The following SLC26A9 variants were observed in gnomAD, a reference collection of about 807,000 sequenced individuals.
SLC26A9 encodes solute carrier family 26 member 9.
In SLC26A9, 46 loss-of-function variants were observed where a neutral mutation model predicts 87.1. The observed-to-expected ratio is 0.53, with a 90% confidence interval of 0.42 to 0.67. SLC26A9 has a LOEUF of 0.67. Ranked by LOEUF, SLC26A9 falls within the 30% of genes least tolerant of loss-of-function variation. The pLI is 0.00. For missense variants in SLC26A9, 927 were observed against 1,018.3 expected (o/e 0.91, Z 1.22); for synonymous variants, 437 against 409.1 (o/e 1.07, Z -0.82).
intron 20 of SLC26A9, among the ~76,000 whole-genome samples, chr1:205,916,007 T>C (rs1234954537): frequency 6.6e-6 from 1 of 152,254 alleles, no homozygotes; most frequent in Non-Finnish European, 1.5e-5. Context: ...CCTAGTCATC[T>C]GGTTTCTTTT....
intron 3 of SLC26A9, 24 bp downstream of exon 3, chr1:205,932,921 G>C: frequency 6.2e-7 from 1 of 1,613,470 alleles, no homozygotes; most frequent in Non-Finnish European, 8.5e-7. Context: ...GGCAATCCAG[G>C]CCTGGCTGAA....
intron 9 of SLC26A9, 105 bp from the exon 10 acceptor site, chr1:205,927,710 G>A: frequency 7.3e-7 from 1 of 1,376,976 alleles, no homozygotes; most frequent in Non-Finnish European, 1.0e-6. Context: ...ACCTGAGAGT[G>A]ACCCAGTGGC....
chr1:205,928,950 T>A, intron 7 of SLC26A9, 41 bp from the exon 8 acceptor site: 1 of 1,609,498 alleles, frequency 6.2e-7, no homozygotes, highest in Non-Finnish European at 8.5e-7. Flanking sequence ...GGCCCTAAGG[T>A]GGGGCCAGGG....
At chr1:205,928,083 G>A (rs1461718700) in intron 8 of SLC26A9, 34 bp from the exon 9 acceptor site, 2 of 1,602,860 alleles carry the variant, frequency 1.2e-6, no homozygotes, top group East Asian at 4.5e-5. Context: ...CAGAACCCAA[G>A]GGTGTGAGTG....
At chr1:205,916,237 C>G (rs923845496) in intron 20 of SLC26A9, among the ~76,000 whole-genome samples, 1 of 152,200 alleles carries the variant, frequency 6.6e-6, no homozygotes, top group Admixed American at 6.5e-5. Context: ...GCTGGGACTA[C>G]AGGCATGCAC....
At chr1:205,926,875 G>C (rs1022714467) in intron 11 of SLC26A9, among the ~76,000 whole-genome samples, 2 of 152,134 alleles carry the variant, frequency 1.3e-5, no homozygotes, top group Admixed American at 6.5e-5. Flanking sequence ...CGCATGCCTA[G>C]AGCCCTCCTA....
In SLC26A9 at chr1:205,931,911, A is replaced by G; in HGVS notation, c.501T>C (p.Ala167=). The G allele has an allele frequency of 1.2e-6, 2 of 1,614,208 alleles. No individual in the cohort carries two copies. Among genetic ancestry groups the G allele is most frequent in the East Asian group, 2.2e-5 (1 of 44,884 alleles). The change falls in exon 5 of 21, where the codon GCT becomes GCC. Residue 167 remains alanine (A), a synonymous_variant. Coordinates refer to ENST00000367135, the MANE Select transcript of SLC26A9 (RefSeq NM_052934.4). ...GCGTAGCTGACACGTGCAGCCTCTC[A>G]GCCTCCATGGCTGCTGTGTCCACAT... ...ESYVDTAAME[A]ERLHVSATLA...
chr1:205,939,993 AGAAACAAAAG>A (rs894800228), intron 1 of SLC26A9, among the ~76,000 whole-genome samples: 2 of 152,092 alleles, frequency 1.3e-5, no homozygotes, highest in Non-Finnish European at 2.9e-5. Context: ...GATAATACTG[AGAAACAAAAG>A]GGTGACCCTG....
chr1:205,929,246 G>A lies in SLC26A9; in HGVS notation c.828C>T (p.Tyr276=). Residue 276 remains tyrosine (Y), a synonymous_variant, in exon 7 of 21, where the codon TAC becomes TAT. Coordinates refer to ENST00000367135, the MANE Select transcript of SLC26A9 (RefSeq NM_052934.4). ...LVLVKELNAR[Y]MHKIRFPIPT... ...GGATGGGGAAGCGAATCTTGTGCAT[G>A]TAGCGAGCATTGAGCTCCTTCACCA... 2 of 1,614,222 alleles carry A rather than the reference G, an allele frequency of 1.2e-6. No homozygotes were observed. The highest frequency in any genetic ancestry group is 1.7e-6 in the Non-Finnish European group (2 of 1,180,048).
chr1:205,932,847 T>TGTCCTCAGCAGAGGACAACGA (rs1442192912), intron 3 of SLC26A9, 35 bp from the exon 4 acceptor site: 1 of 1,592,466 alleles, frequency 6.3e-7, no homozygotes, highest in Non-Finnish European at 8.6e-7. Flanking sequence ...CTCAGCAGCA[T>TGTCCTCAGCAGAGGACAACGA]GACTAGCTTA....
chr1:205,914,950 T>C lies in SLC26A9; in HGVS notation c.*407A>G, dbSNP rs1157255644. 3 of 1,613,982 alleles carry C rather than the reference T, an allele frequency of 1.9e-6. No individual in the cohort carries two copies. The highest frequency in any genetic ancestry group is 2.5e-6 in the Non-Finnish European group (3 of 1,180,014). On this transcript the variant is annotated 3_prime_UTR_variant, in exon 21 of 21. Coordinates refer to ENST00000367135, the MANE Select transcript of SLC26A9 (RefSeq NM_052934.4). ...CGAGCCGTGTGGGCTCTGGGACACTTTTTGAAGCTTGTACAGCAGGCCAGC... is the reference window on the plus strand; with the variant it reads ...CGAGCCGTGTGGGCTCTGGGACACTCTTTGAAGCTTGTACAGCAGGCCAGC...
In SLC26A9 at chr1:205,928,889, G is replaced by T; in HGVS notation, c.891C>A (p.Ile297=). The part of the protein sequence containing the change: ...EMIVVVVATA[I]SGGCKMPKKY... ...TTTTGGGCATCTTACAGCCCCCGGA[G>T]ATAGCTGTTGCCACCACCACCTGCA... Residue 297 remains isoleucine, a synonymous_variant, in exon 8 of 21, where the codon ATC becomes ATA. Transcript: ENST00000367135. 6.2e-7 allele frequency: 1 copy of T among 1,614,146 alleles called. No individual in the cohort carries two copies. The highest frequency in any genetic ancestry group is 8.5e-7 in the Non-Finnish European group (1 of 1,180,022).
chr1:205,939,734 G>A (rs542253458), intron 1 of SLC26A9, among the ~76,000 whole-genome samples: 4 of 152,208 alleles, frequency 2.6e-5, no homozygotes, highest in East Asian at 3.9e-4. Context: ...GGTGTCTCAC[G>A]ATGCCAGATG....
intron 5 of SLC26A9, 46 bp downstream of exon 5, chr1:205,931,813 AG>A: frequency 6.3e-7 from 1 of 1,581,472 alleles, no homozygotes; most frequent in Non-Finnish European, 8.6e-7. Flanking sequence ...AGGGAGGGGC[AG>A]GGTGGTCTGA....
intron 17 of SLC26A9, among the ~76,000 whole-genome samples, chr1:205,921,328 C>T (rs1658818122): frequency 6.6e-6 from 1 of 152,224 alleles, no homozygotes; most frequent in East Asian, 1.9e-4. Context: ...AGCACAGGGG[C>T]CTGAAACTCT....
chr1:205,927,387 G>T, intron 10 of SLC26A9, 99 bp from the exon 11 acceptor site: 2 of 1,559,964 alleles, frequency 1.3e-6, no homozygotes, highest in Non-Finnish European at 1.8e-6. Context: ...ACTAAGACGG[G>T]AAGAAGGGGT....
rs754067428 is a variant in SLC26A9 at position 205,927,985 on chromosome 1, G to A, written c.1018C>T (p.Leu340=). Reference sequence around the variant, plus strand: ...TTGATGACGTAGCTCACGATGGCTAGGGAGAAGGCTGTGCCTATCATGTCC... The same window carrying A: ...TTGATGACGTAGCTCACGATGGCTAAGGAGAAGGCTGTGCCTATCATGTCC... The part of the protein sequence containing the change: ...WKDMIGTAFS[L]AIVSYVINLA... Residue 340 remains leucine, a synonymous_variant, in exon 9 of 21, where the codon CTA becomes TTA. Transcript: ENST00000367135. The A allele has an allele frequency of 6.2e-7, 1 of 1,614,174 alleles. No homozygotes were observed. Among genetic ancestry groups the A allele is most frequent in the Non-Finnish European group, 8.5e-7 (1 of 1,180,008 alleles).
intron 20 of SLC26A9, among the ~76,000 whole-genome samples, chr1:205,916,938 T>C (rs11240590): frequency 0.11 from 17,171 of 151,638 alleles, 1,582 homozygotes; most frequent in East Asian, 0.55. Context: ...CTGTCTCTAC[T>C]AAAAATACAA....
At chr1:205,918,383 A>G (rs963333934) in intron 19 of SLC26A9, among the ~76,000 whole-genome samples, 1 of 152,184 alleles carries the variant, frequency 6.6e-6, no homozygotes, top group African/African-American at 2.4e-5. Context: ...CAATCTCTTT[A>G]TCCCTCACCA....
Sources: gnomAD v4.1 joint callset for allele counts (sites outside exome capture counted in the v4.1 genomes callset) on GRCh38, gnomAD v4.1.1 for gene constraint, MANE v1.5 for transcripts, NCBI Gene and HGNC (gene_info 2026-07-23, HGNC 2026-07-21) for gene names.